Variants in TIGAR observed in about 807,000 individuals in gnomAD.
TIGAR encodes the protein TP53 induced glycolysis regulatory phosphatase, also known as fructose-2,6-bisphosphatase TIGAR.
Under a neutral mutation model 17.9 loss-of-function variants are expected in TIGAR, and 7 were observed. The observed-to-expected ratio is 0.39, with a 90% CI of 0.22 to 0.73. TIGAR has a LOEUF of 0.73. Ranked by LOEUF, TIGAR falls within the 30% of genes least tolerant of loss-of-function variation. The pLI, the probability that TIGAR is intolerant of heterozygous loss-of-function variation, is 0.42. For missense variants in TIGAR, 258 were observed against 327.4 expected (o/e 0.79, Z 1.64); for synonymous variants, 94 against 108.6 (o/e 0.87, Z 0.84).
rs1864562150 is a variant in TIGAR at position 4,327,763 on chromosome 12, G to A, written c.33-3517G>A. On this transcript the variant is annotated intron_variant, in intron 1 of 5. Coordinates refer to ENST00000179259, the MANE Select transcript of TIGAR (RefSeq NM_020375.3). ...GCTCACTGCAGCCTCCGCCTCCTGG[G>A]TTCAAGCGATTCTTCTGCCTCAGCC... Among the ~76,000 whole-genome samples the A allele has an allele frequency of 2.0e-5, 3 of 152,142 alleles. No homozygotes were observed. The South Asian group carries it at 6.2e-4, about 32-fold the overall frequency.
chr12:4,348,986 T>TA (rs1565450412), intron 3 of TIGAR, among the ~76,000 whole-genome samples: 1 of 152,124 alleles, frequency 6.6e-6, no homozygotes, highest in African/African-American at 2.4e-5. Context: ...TAATAAACTG[T>TA]AAAAAAGAGC....
At chr12:4,336,489 C>G (rs981930915) in intron 2 of TIGAR, among the ~76,000 whole-genome samples, 1 of 145,788 alleles carries the variant, frequency 6.9e-6, no homozygotes, top group Non-Finnish European at 1.6e-5. Context: ...CACACACACA[C>G]ACACACTCAC....
chr12:4,358,498 A>AT lies in TIGAR; in HGVS notation c.*5813dup, dbSNP rs1460797400. On this transcript the variant is annotated 3_prime_UTR_variant, in exon 6 of 6. Transcript: ENST00000179259. ...TACCTGTTGTCCCACTTGCTTTGCC[A>AT]TTTTTTCTCTCTCCCTCTGTTTTCC... is the stretch of plus-strand genomic sequence containing the variant. 3.3e-5 allele frequency among the ~76,000 whole-genome samples: 5 copies of AT among 151,936 alleles called. No individual in the cohort carries two copies. The highest frequency in any genetic ancestry group is 2.9e-5 in the Non-Finnish European group (2 of 67,992).
chr12:4,341,525 C>T (rs560853326), intron 3 of TIGAR, among the ~76,000 whole-genome samples: 1 of 152,318 alleles, frequency 6.6e-6, no homozygotes, highest in Admixed American at 6.5e-5. Flanking sequence ...CGGCCGGGTA[C>T]CCCTCTGAGA....
intron 3 of TIGAR, among the ~76,000 whole-genome samples, chr12:4,343,349 C>CTCAACTCTG: frequency 6.6e-6 from 1 of 152,112 alleles, no homozygotes; most frequent in Non-Finnish European, 1.5e-5. Flanking sequence ...AAAAGGATAT[C>CTCAACTCTG]CAGGAATTGA....
intron 1 of TIGAR, chr12:4,324,942 C>CT (rs35996093): frequency 0.18 from 34,549 of 190,002 alleles, 1,777 homozygotes; most frequent in East Asian, 0.35. Context: ...TTTGTTTTTG[C>CT]TTTTTTTTTT....
In TIGAR at chr12:4,349,929, A is replaced by G. The variant is rs754254931; in HGVS notation, c.270+33A>G. Reference sequence around the variant, plus strand: ...ACTTATTTACATATTGTTCTTCCCCATAAATTATCAGTAAGCCACCTCAGT... The same window carrying G: ...ACTTATTTACATATTGTTCTTCCCCGTAAATTATCAGTAAGCCACCTCAGT... On this transcript the variant is annotated intron_variant, in intron 4 of 5. Transcript: ENST00000179259. 15 of 1,443,902 alleles carry G rather than the reference A, an allele frequency of 1.0e-5. No homozygotes were observed. The African/African-American group carries it at 1.8e-4, about 17-fold the overall frequency. The allele number at this position is 1,443,902 out of a possible 1,614,324, so 89.4% of individuals were successfully genotyped here. A position where few individuals can be genotyped will look rare whatever the true frequency, so the allele number is the denominator to read the frequency against.
In TIGAR at chr12:4,354,596, TATGTC is replaced by T. The variant is rs1163084023; in HGVS notation, c.*1906_*1910del. The T allele has an allele frequency of 6.6e-6, 1 of 152,192 alleles. No homozygotes were observed. Among genetic ancestry groups the T allele is most frequent in the Non-Finnish European group, 1.5e-5 (1 of 68,026 alleles). 9.4% of individuals were successfully genotyped at this position (152,192 alleles called of 1,614,324 possible). On this transcript the variant is annotated 3_prime_UTR_variant, in exon 6 of 6. Transcript: ENST00000179259. The stretch of plus-strand genomic sequence containing the variant: ...GCCATCTGTGTTCTTTATTTTTACT[TATGTC>T]TTGGAGGCATCTCTGTGTTGATATA...
intron 3 of TIGAR, among the ~76,000 whole-genome samples, chr12:4,346,613 G>A (rs374975076): frequency 6.6e-6 from 1 of 152,172 alleles, no homozygotes; most frequent in East Asian, 1.9e-4. Context: ...TGTGGGATGG[G>A]GGGACGGGGG....
chr12:4,346,590 C>T (rs548019793), intron 3 of TIGAR, among the ~76,000 whole-genome samples: 1 of 151,962 alleles, frequency 6.6e-6, no homozygotes, highest in Admixed American at 6.6e-5. Flanking sequence ...GAACATCACA[C>T]ACCAGGGCCT....
intron 1 of TIGAR, among the ~76,000 whole-genome samples, chr12:4,323,734 C>T (rs1864506448): frequency 6.6e-6 from 1 of 152,158 alleles, no homozygotes; most frequent in African/African-American, 2.4e-5. Context: ...TTTTTAGTCT[C>T]TTAATATAAT....
chr12:4,348,135 C>CA (rs913008016), intron 3 of TIGAR, among the ~76,000 whole-genome samples: 33 of 140,796 alleles, frequency 2.3e-4, no homozygotes, highest in South Asian at 4.5e-4. Context: ...GACCCTGTCT[C>CA]AAAAAAAAAA....
rs146710568 is a variant in TIGAR, at chr12:4,359,865, G to C, written c.*7174G>C. Reference sequence around the variant, plus strand: ...GTGCTTCACATCCTTGCCAACATTTGTTATTATCAGTTTCTAAAATTTTAG... The same window carrying C: ...GTGCTTCACATCCTTGCCAACATTTCTTATTATCAGTTTCTAAAATTTTAG... On this transcript the variant is annotated 3_prime_UTR_variant, in exon 6 of 6. Transcript: ENST00000179259. Among the ~76,000 whole-genome samples, 234 of 152,168 alleles carry C rather than the reference G, an allele frequency of 1.5e-3. 1 individual carries two copies. Among genetic ancestry groups the C allele is most frequent in the Middle Eastern group, 0.014 (4 of 294 alleles).
rs540735954 is a variant in TIGAR, at chr12:4,357,103, T to C, written c.*4412T>C. Among the ~76,000 whole-genome samples, 4 of 152,350 alleles carry C rather than the reference T, an allele frequency of 2.6e-5. No homozygotes were observed. Among genetic ancestry groups the C allele is most frequent in the South Asian group, 4.1e-4 (2 of 4,830 alleles). On this transcript the variant is annotated 3_prime_UTR_variant, in exon 6 of 6. Coordinates refer to ENST00000179259, the MANE Select transcript of TIGAR (RefSeq NM_020375.3). ...TAGGGGAAGCACATAAAGTAAGATA[T>C]CCCTGAGAGAACAGTGCATCTCACA...
rs553615066 is a variant in TIGAR, at chr12:4,346,373, A to C, written c.193-3446A>C. Among the ~76,000 whole-genome samples, 344 of 152,356 alleles carry C rather than the reference A, an allele frequency of 2.3e-3. 3 individuals are homozygous for C. Among genetic ancestry groups the C allele is most frequent in the Middle Eastern group, 0.02 (6 of 294 alleles). On this transcript the variant is annotated intron_variant, in intron 3 of 5. Coordinates refer to ENST00000179259, the MANE Select transcript of TIGAR (RefSeq NM_020375.3). ...ACCAACCCAAATGTCCAATAATGAT[A>C]GACTGGATTAAGAAAATGTGGCACA... is the stretch of plus-strand genomic sequence containing the variant.
rs185614917 is a variant in TIGAR at position 4,358,532 on chromosome 12, A to G, written c.*5841A>G. Among the ~76,000 whole-genome samples the G allele has an allele frequency of 5.9e-5, 9 of 152,280 alleles. No individual in the cohort carries two copies. The highest frequency in any genetic ancestry group is 3.9e-4 in the Admixed American group (6 of 15,308). On this transcript the variant is annotated 3_prime_UTR_variant, in exon 6 of 6. Coordinates refer to ENST00000179259, the MANE Select transcript of TIGAR (RefSeq NM_020375.3). ...CTCTCCCTCTGTTTTCCCCTGAAACATTGGAGAGTAACTTTGAGTCCTCAT... is the reference window on the plus strand; with the variant it reads ...CTCTCCCTCTGTTTTCCCCTGAAACGTTGGAGAGTAACTTTGAGTCCTCAT...
rs1158615402 is a variant in TIGAR, at chr12:4,355,193, C to G, written c.*2502C>G. ...TTTTGAGAACTTCTGAATGTCAAATCTTGAAATTGAAATTTGCTTTTTATA... is the reference window on the plus strand; with the variant it reads ...TTTTGAGAACTTCTGAATGTCAAATGTTGAAATTGAAATTTGCTTTTTATA... On this transcript the variant is annotated 3_prime_UTR_variant, in exon 6 of 6. Coordinates refer to ENST00000179259, the MANE Select transcript of TIGAR (RefSeq NM_020375.3). 1.3e-5 allele frequency among the ~76,000 whole-genome samples: 2 copies of G among 152,004 alleles called. No homozygotes were observed. Among genetic ancestry groups the G allele is most frequent in the Admixed American group, 1.3e-4 (2 of 15,254 alleles).
At chr12:4,346,975 G>A (rs1210994553) in intron 3 of TIGAR, among the ~76,000 whole-genome samples, 1 of 152,156 alleles carries the variant, frequency 6.6e-6, no homozygotes, top group East Asian at 1.9e-4. Flanking sequence ...CAACCACTGT[G>A]AAGAATTGTT....
intron 2 of TIGAR, among the ~76,000 whole-genome samples, chr12:4,331,837 A>G (rs1864606609): frequency 6.6e-6 from 1 of 152,204 alleles, no homozygotes; most frequent in African/African-American, 2.4e-5. Context: ...TGATCCAGCT[A>G]GTCTGGCTTT....
Sources: allele counts gnomAD v4.1 joint callset (sites outside exome capture counted in the v4.1 genomes callset), GRCh38; gene constraint gnomAD v4.1.1; transcripts MANE v1.5; gene names NCBI Gene and HGNC (gene_info 2026-07-23, HGNC 2026-07-21).